The following FREM2 variants were observed in gnomAD, a reference collection of about 807,000 sequenced individuals.
FREM2 encodes the protein FRAS1-related extracellular matrix protein 2.
A neutral mutation model predicts 219.9 loss-of-function variants in FREM2; 119 were observed. The ratio of observed to expected loss-of-function variants is 0.54; its 90% CI spans 0.47 to 0.63. The LOEUF is 0.63. Among genes scored for constraint, FREM2 ranks in the 30% least tolerant of loss-of-function variants. The pLI, the probability that FREM2 is intolerant of heterozygous loss-of-function variation, is 0.00. For missense variants in FREM2, 4,030 were observed against 3,993.6 expected (o/e 1.01, Z -0.25); for synonymous variants, 1,562 against 1,522.8 (o/e 1.03, Z -0.60).
intron 2 of FREM2, among the ~76,000 whole-genome samples, chr13:38,749,956 T>C (rs9548446): frequency 0.28 from 43,253 of 152,016 alleles, 7,922 homozygotes; most frequent in Non-Finnish European, 0.41. Flanking sequence ...AAACATAGTT[T>C]ATCTTGGCCT....
intron 4 of FREM2, among the ~76,000 whole-genome samples, chr13:38,771,937 T>G (rs1359252077): frequency 6.6e-6 from 1 of 152,188 alleles, no homozygotes; most frequent in Non-Finnish European, 1.5e-5. Flanking sequence ...AATGCAAATA[T>G]TCTTACTTCT....
intron 6 of FREM2, among the ~76,000 whole-genome samples, chr13:38,845,161 C>T (rs1877104619): frequency 6.6e-6 from 1 of 152,112 alleles, no homozygotes; most frequent in African/African-American, 2.4e-5. Context: ...TTATCATGCC[C>T]ACCATGTGAA....
In FREM2 at chr13:38,791,450, C is replaced by T. The variant is rs565052648; in HGVS notation, c.6019+6642C>T. 3.7e-4 allele frequency among the ~76,000 whole-genome samples: 56 copies of T among 152,254 alleles called. No homozygotes were observed. The South Asian group carries it at 6.0e-3, about 16-fold the overall frequency. On this transcript the variant is annotated intron_variant, in intron 6 of 23. Coordinates refer to ENST00000280481, the MANE Select transcript of FREM2 (RefSeq NM_207361.6). Reference sequence around the variant, plus strand: ...AAAGCATTGTATTAGTCAGTTCTCACGCTGCTGTGAAGAAATACCTGAAAA... The same window carrying T: ...AAAGCATTGTATTAGTCAGTTCTCATGCTGCTGTGAAGAAATACCTGAAAA...
chr13:38,723,827 C>T (rs1296223793), intron 2 of FREM2, among the ~76,000 whole-genome samples: 1 of 152,144 alleles, frequency 6.6e-6, no homozygotes, highest in Non-Finnish European at 1.5e-5. Context: ...TGGTTTGTAG[C>T]TTATTTAATT....
At chr13:38,855,186 T>C (rs892714412) in intron 11 of FREM2, among the ~76,000 whole-genome samples, 6 of 152,162 alleles carry the variant, frequency 3.9e-5, no homozygotes, top group Non-Finnish European at 8.8e-5. Flanking sequence ...AAGAAGCAAT[T>C]CTTTTTTAGT....
chr13:38,871,928 T>C (rs1260775403), intron 16 of FREM2, among the ~76,000 whole-genome samples: 1 of 152,212 alleles, frequency 6.6e-6, no homozygotes, highest in Non-Finnish European at 1.5e-5. Context: ...TCTTGAGATA[T>C]TATAAATGTT....
chr13:38,744,545 G>A lies in FREM2; in HGVS notation c.5264-19759G>A, dbSNP rs1044863587. On this transcript the variant is annotated intron_variant, in intron 2 of 23. Coordinates refer to ENST00000280481, the MANE Select transcript of FREM2 (RefSeq NM_207361.6). Reference sequence around the variant, plus strand: ...TGGTCTTGTCAACCCAGGCTGGAGCGCAGTGGCGTGATCTCGGCTCACTGC... The same window carrying A: ...TGGTCTTGTCAACCCAGGCTGGAGCACAGTGGCGTGATCTCGGCTCACTGC... Among the ~76,000 whole-genome samples, 13 of 152,154 alleles carry A rather than the reference G, an allele frequency of 8.5e-5. No homozygotes were observed. In the East Asian group the frequency reaches 2.3e-3, roughly 27 times the overall value.
intron 6 of FREM2, among the ~76,000 whole-genome samples, chr13:38,810,307 T>C (rs943600647): frequency 1.3e-5 from 2 of 152,126 alleles, no homozygotes; most frequent in African/African-American, 4.8e-5. Flanking sequence ...AGATGACCTT[T>C]ATTTCTTTCC....
chr13:38,713,139 G>T (rs1238960614), intron 2 of FREM2, among the ~76,000 whole-genome samples: 1 of 152,172 alleles, frequency 6.6e-6, no homozygotes, highest in African/African-American at 2.4e-5. Context: ...TTTCTAAGCA[G>T]TGTTCTCTCT....
intron 6 of FREM2, among the ~76,000 whole-genome samples, chr13:38,841,990 G>A (rs1012786692): frequency 6.6e-6 from 1 of 152,106 alleles, no homozygotes; most frequent in Non-Finnish European, 1.5e-5. Flanking sequence ...GGGAAAGCAG[G>A]GTGCTCCCCA....
chr13:38,859,499 C>T lies in FREM2; in HGVS notation c.7428C>T (p.Ser2476=). 1 of 1,614,046 alleles carries T rather than the reference C, an allele frequency of 6.2e-7. No homozygotes were observed. The highest frequency in any genetic ancestry group is 8.5e-7 in the Non-Finnish European group (1 of 1,180,002). The change falls in exon 14 of 24, where the codon TCC becomes TCT. Residue 2476 remains serine, a synonymous_variant. Transcript: ENST00000280481. ...ACTCCATATACTTTCAGCCTGGCTC[C>T]CGGGTACAGTGCGCAGCTCGTGCTG... is the stretch of plus-strand genomic sequence containing the variant. ...TLDSIYFQPG[S]RVQCAARAVN...
Position 38,692,074 on chromosome 13 carries a change from T to C in FREM2, c.4730T>C (p.Ile1577Thr), listed in dbSNP as rs114798977. 1,119 of 1,614,202 alleles carry C rather than the reference T, an allele frequency of 6.9e-4. 12 individuals carry two copies. In the African/African-American group the frequency reaches 0.013, roughly 19 times the overall value. ...AAATTCACTATCACCCAGGTGCCTA[T>C]TCATGGCCATCTCCTATTCAACAAT... ...LLKFTITQVPIHGHLLFNNTR... is the reference protein window; with the variant it reads ...LLKFTITQVPTHGHLLFNNTR... The change falls in exon 1 of 24, where the codon ATT (isoleucine) becomes ACT (threonine). Residue 1577 changes from isoleucine to threonine, a missense_variant. Physicochemically the swap from Ile to Thr is moderately conservative, Grantham distance 89. Coordinates refer to ENST00000280481, the MANE Select transcript of FREM2 (RefSeq NM_207361.6).
intron 6 of FREM2, among the ~76,000 whole-genome samples, chr13:38,802,747 C>T (rs993857526): frequency 1.4e-4 from 21 of 152,202 alleles, no homozygotes; most frequent in Admixed American, 1.3e-3. Context: ...TGGTACTCAG[C>T]GTAAGTTTCC....
In FREM2 at chr13:38,689,754, T is replaced by C. The variant is rs528269994; in HGVS notation, c.2410T>C (p.Phe804Leu). The C allele has an allele frequency of 6.2e-7, 1 of 1,613,302 alleles. No homozygotes were observed. Among genetic ancestry groups the C allele is most frequent in the Non-Finnish European group, 8.5e-7 (1 of 1,179,598 alleles). Residue 804 changes from phenylalanine (F) to leucine (L), a missense_variant, in exon 1 of 24, where the codon TTC (phenylalanine) becomes CTC (leucine). Phe to Leu is a conservative substitution (Grantham distance 22). Around this residue, in one of 2 missense-constraint regions of FREM2, gnomAD observed 3,102 missense variants for 2,950.7 expected, o/e 1.05. Transcript: ENST00000280481. ...GVATRVAQFQ[F>L]QVEDRAGNVA... is the part of the protein sequence containing the mutation. ...GGCTACTCGAGTGGCCCAGTTCCAG[T>C]TCCAGGTGGAAGACCGAGCTGGGAA...
At chr13:38,797,390 G>A (rs1226322342) in intron 6 of FREM2, among the ~76,000 whole-genome samples, 1 of 152,016 alleles carries the variant, frequency 6.6e-6, no homozygotes, top group Non-Finnish European at 1.5e-5. Context: ...TGTTGGCTAT[G>A]TATATCTTTT....
intron 2 of FREM2, among the ~76,000 whole-genome samples, chr13:38,712,137 A>C (rs1421599293): frequency 6.6e-6 from 1 of 151,154 alleles, no homozygotes; most frequent in Non-Finnish European, 1.5e-5. Flanking sequence ...CTCGTGATCC[A>C]CCTGCCTCGG....
rs1397318386 is a variant in FREM2, at chr13:38,885,526, A to G, written c.*4739A>G. 6.6e-6 allele frequency: 1 copy of G among 152,038 alleles called. No individual in the cohort carries two copies. Among genetic ancestry groups the G allele is most frequent in the Non-Finnish European group, 1.5e-5 (1 of 67,978 alleles). The allele number at this position is 152,038 out of a possible 1,614,324, so 9.4% of individuals were successfully genotyped here. A position where few individuals can be genotyped will look rare whatever the true frequency, so the allele number is the denominator to read the frequency against. On this transcript the variant is annotated 3_prime_UTR_variant, in exon 24 of 24. Transcript: ENST00000280481. ...TTTCTTTCTTTTAATTTGTTGAACT[A>G]TAGGTTTCTTTCTGAGATGTATTTT...
intron 6 of FREM2, among the ~76,000 whole-genome samples, chr13:38,823,274 C>A (rs1419418164): frequency 6.6e-6 from 1 of 152,044 alleles, no homozygotes; most frequent in Non-Finnish European, 1.5e-5. Flanking sequence ...CTTGCACTTG[C>A]CAACTAGCTA....
At chr13:38,867,119 C>G (rs1412264324) in intron 16 of FREM2, among the ~76,000 whole-genome samples, 1 of 152,170 alleles carries the variant, frequency 6.6e-6, no homozygotes, top group Admixed American at 6.5e-5. Context: ...TGACAACAGT[C>G]CTACTCCATT....
Sources: gnomAD v4.1 joint callset for allele counts (sites outside exome capture counted in the v4.1 genomes callset) on GRCh38, gnomAD v4.1.1 for gene constraint, gnomAD v4.1.1 regional missense constraint, MANE v1.5 for transcripts, NCBI Gene and HGNC (gene_info 2026-07-23, HGNC 2026-07-21) for gene names.